The following PGPEP1L variants were observed in gnomAD, a reference collection of about 807,000 sequenced individuals.
PGPEP1L encodes pyroglutamyl-peptidase 1-like protein.
A neutral mutation model predicts 6.0 loss-of-function variants in PGPEP1L; 7 were observed. The ratio of observed to expected loss-of-function variants is 1.17; its 90% CI spans 0.66 to 2.19. The LOEUF is 2.19. Among genes scored for constraint, PGPEP1L ranks in the 30% most tolerant of loss-of-function variants. The pLI is 0.00. For synonymous variants in PGPEP1L, 103 were observed against 83.9 expected (o/e 1.23, Z -1.24); for missense variants, 209 against 192.5 (o/e 1.09, Z -0.51).
At chr15:99,002,705 C>CAGAT (rs2017991352) in intron 2 of PGPEP1L, among the ~76,000 whole-genome samples, 1 of 152,146 alleles carries the variant, frequency 6.6e-6, no homozygotes, top group Non-Finnish European at 1.5e-5. Context: ...TAGCCAGTGC[C>CAGAT]AGATATGCCT....
chr15:98,993,836 GAAA>G (rs58824142), intron 2 of PGPEP1L, among the ~76,000 whole-genome samples: 3 of 150,320 alleles, frequency 2.0e-5, no homozygotes, highest in Non-Finnish European at 1.5e-5. Context: ...ACAATTACAT[GAAA>G]AAAAAAGAGA....
At chr15:98,980,937 A>AC (rs1326863679) in intron 2 of PGPEP1L, among the ~76,000 whole-genome samples, 1 of 48,848 alleles carries the variant, frequency 2.0e-5, no homozygotes, top group Non-Finnish European at 6.9e-5. Flanking sequence ...CATCTGGAAA[A>AC]GGAAAAAAAA....
chr15:98,984,870 A>T (rs80159413), intron 2 of PGPEP1L, among the ~76,000 whole-genome samples: 1 of 152,058 alleles, frequency 6.6e-6, no homozygotes, highest in Non-Finnish European at 1.5e-5. Flanking sequence ...AGAGACTGAT[A>T]GCAAGGACGG....
At chr15:98,972,774 G>C (rs1324863724) in intron 2 of PGPEP1L, among the ~76,000 whole-genome samples, 1 of 150,662 alleles carries the variant, frequency 6.6e-6, no homozygotes, top group Non-Finnish European at 1.5e-5. Flanking sequence ...GGGAGGCTGA[G>C]GCAGGAGAAT....
At chr15:99,003,423 A>G (rs4087502) in intron 2 of PGPEP1L, among the ~76,000 whole-genome samples, 14,525 of 140,488 alleles carry the variant, frequency 0.1, 1,127 homozygotes, top group African/African-American at 0.21. Context: ...AAACTTGGTC[A>G]GCCCCCAGTG....
intron 2 of PGPEP1L, among the ~76,000 whole-genome samples, chr15:98,998,868 G>A (rs1555472709): frequency 6.6e-6 from 1 of 152,188 alleles, no homozygotes; most frequent in African/African-American, 2.4e-5. Context: ...CCAGCTACTA[G>A]GAAGGCTGAG....
chr15:99,005,358 G>C (rs531923595), intron 2 of PGPEP1L, 71 bp downstream of exon 2: 46 of 152,644 alleles, frequency 3.0e-4, no homozygotes, highest in African/African-American at 1.1e-3. Flanking sequence ...CCCAGGATCA[G>C]GCCAGTGCGC....
chr15:99,001,242 C>A, intron 2 of PGPEP1L: 1 of 377,484 alleles, frequency 2.6e-6, no homozygotes, highest in South Asian at 1.9e-5. Context: ...CCCACCAATT[C>A]TGGACACACT....
chr15:98,986,621 C>T (rs1353445319), intron 2 of PGPEP1L, among the ~76,000 whole-genome samples: 2 of 151,422 alleles, frequency 1.3e-5, no homozygotes, highest in Non-Finnish European at 2.9e-5. Context: ...TGTAAGAACT[C>T]CTAAATTAAT....
At chr15:98,989,101 C>A (rs1377865697) in intron 2 of PGPEP1L, among the ~76,000 whole-genome samples, 16 of 152,166 alleles carry the variant, frequency 1.1e-4, no homozygotes, top group African/African-American at 3.6e-4. Context: ...AGCTCCTTGC[C>A]AGCAAGGGAA....
At chr15:98,979,706 C>G (rs928452515) in intron 2 of PGPEP1L, among the ~76,000 whole-genome samples, 1 of 133,604 alleles carries the variant, frequency 7.5e-6, no homozygotes, top group Admixed American at 8.3e-5. Context: ...GCTGGCGTGC[C>G]ATGGCACAAT....
At position 98,971,131 on chromosome 15, in the gene PGPEP1L, C is replaced by T. The variant is rs1366936463; in HGVS notation, c.-114G>A. 6.2e-7 allele frequency: 1 copy of T among 1,608,488 alleles called. No individual in the cohort carries two copies. On this transcript the variant is annotated 5_prime_UTR_variant, in exon 3 of 5. The change abolishes an upstream ATG in the 5' untranslated region. Coordinates refer to ENST00000535714, the MANE Select transcript of PGPEP1L (RefSeq NM_001167902.2). ...AGAGTCCGCAGCTGCACCACTGTTT[C>T]ATTCCCCAGGCCCAGCTTGGAGAGC...
At chr15:98,978,530 T>C (rs1000160001) in intron 2 of PGPEP1L, among the ~76,000 whole-genome samples, 1 of 152,052 alleles carries the variant, frequency 6.6e-6, no homozygotes, top group Non-Finnish European at 1.5e-5. Context: ...GAGAAAAGGT[T>C]TGCCCAGTAG....
At chr15:98,999,438 T>C (rs2151765620) in intron 2 of PGPEP1L, among the ~76,000 whole-genome samples, 2 of 152,340 alleles carry the variant, frequency 1.3e-5, no homozygotes, top group Middle Eastern at 3.4e-3. Flanking sequence ...ACACCAAATG[T>C]TGGCAAGGAT....
Position 99,007,653 on chromosome 15 carries a change from C to T in PGPEP1L, c.-664G>A, listed in dbSNP as rs8024849. 0.83 allele frequency: 126,656 copies of T among 151,922 alleles called. 52,948 individuals are homozygous for T. Among genetic ancestry groups the T allele is most frequent in the East Asian group, 0.93 (4,818 of 5,154 alleles). The allele number at this position is 151,922 out of a possible 1,614,324, so 9.4% of individuals were successfully genotyped here. On this transcript the variant is annotated 5_prime_UTR_variant, in exon 1 of 5. Transcript: ENST00000535714. Reference sequence around the variant, plus strand: ...TCCGTGATGTGGCTGGCTTTAAGAACGAAGCTGCAGACCTTCACGGTGAGC... The same window carrying T: ...TCCGTGATGTGGCTGGCTTTAAGAATGAAGCTGCAGACCTTCACGGTGAGC...
At chr15:98,998,833 C>A (rs570521603) in intron 2 of PGPEP1L, among the ~76,000 whole-genome samples, 3 of 152,238 alleles carry the variant, frequency 2.0e-5, no homozygotes, top group African/African-American at 7.2e-5. Flanking sequence ...CAAAAATTAG[C>A]CAGACATGGT....
chr15:99,000,718 A>G (rs1187068279), intron 2 of PGPEP1L, among the ~76,000 whole-genome samples: 2 of 152,048 alleles, frequency 1.3e-5, no homozygotes, highest in Non-Finnish European at 2.9e-5. Context: ...GGGATTATAA[A>G]CACACCAATC....
chr15:98,984,536 A>G (rs2017718913), intron 2 of PGPEP1L, among the ~76,000 whole-genome samples: 1 of 152,188 alleles, frequency 6.6e-6, no homozygotes, highest in Admixed American at 6.5e-5. Context: ...TTCATTATTC[A>G]GCCCATCTAA....
At chr15:98,972,331 C>T (rs2017508693) in intron 2 of PGPEP1L, among the ~76,000 whole-genome samples, 1 of 149,456 alleles carries the variant, frequency 6.7e-6, no homozygotes, top group Non-Finnish European at 1.5e-5. Context: ...CCAGCCTGGG[C>T]AACAAGAGCA....
Sources: allele counts gnomAD v4.1 joint callset (sites outside exome capture counted in the v4.1 genomes callset), GRCh38; gene constraint gnomAD v4.1.1; transcripts MANE v1.5; gene names NCBI Gene and HGNC (gene_info 2026-07-23, HGNC 2026-07-21).